The following ARHGAP42 variants were observed in gnomAD, a reference collection of about 807,000 sequenced individuals.
The protein encoded by ARHGAP42 is Rho GTPase activating protein 42.
In ARHGAP42, 63 loss-of-function variants were observed where a neutral mutation model predicts 125.0. The ratio of observed to expected loss-of-function variants is 0.50; its 90% CI spans 0.41 to 0.62. The LOEUF is 0.62. Among genes scored for constraint, ARHGAP42 ranks in the 20% least tolerant of loss-of-function variants. The probability of loss-of-function intolerance (pLI) is 0.00; values close to 1 mark genes in which losing one functional copy is unlikely to be tolerated. For missense variants in ARHGAP42, 766 were observed against 1,024.2 expected, an observed-to-expected ratio of 0.75 and a Z score of 3.44; for synonymous variants, 339 against 351.0, an observed-to-expected ratio of 0.97 and a Z score of 0.38.
Position 100,960,985 on chromosome 11 carries a change from A to G in ARHGAP42, c.1296A>G (p.Thr432=), listed in dbSNP as rs1360620671. 7.8e-6 allele frequency: 12 copies of G among 1,535,914 alleles called. No individual in the cohort carries two copies. The highest frequency in any genetic ancestry group is 1.9e-4 in the Middle Eastern group (1 of 5,320). ...AAGTTCAAAAACTCATGAATACCAC[A>G]TTTTGTAAGTTTTGGATGAAGCAAC... ...NSKVQKLMNT[T]FSPKSPPDID... is the part of the protein sequence containing the mutation. The change falls in exon 14 of 24, where the codon ACA becomes ACG. Residue 432 remains threonine (T), a synonymous_variant. Coordinates refer to ENST00000298815, the MANE Select transcript of ARHGAP42 (RefSeq NM_152432.4).
intron 3 of ARHGAP42, among the ~76,000 whole-genome samples, chr11:100,849,871 T>A (rs1865161338): frequency 6.6e-6 from 1 of 152,210 alleles, no homozygotes; most frequent in Non-Finnish European, 1.5e-5. Flanking sequence ...AAGTAAGTGT[T>A]GTTCCAGGGA....
intron 19 of ARHGAP42, 43 bp downstream of exon 19, chr11:100,974,646 G>A (rs777861908): frequency 6.6e-7 from 1 of 1,513,290 alleles, no homozygotes; most frequent in Non-Finnish European, 8.9e-7. Flanking sequence ...TTCATTCTTT[G>A]GTTCAGATGT....
intron 4 of ARHGAP42, among the ~76,000 whole-genome samples, chr11:100,876,052 A>G (rs932519733): frequency 5.9e-5 from 9 of 152,174 alleles, no homozygotes; most frequent in Non-Finnish European, 7.4e-5. Flanking sequence ...CACTCACTGG[A>G]CTAAGACCTG....
chr11:100,976,832 G>A lies in ARHGAP42; in HGVS notation c.2254G>A (p.Gly752Arg), dbSNP rs2135321670. The A allele has an allele frequency of 6.4e-7, 1 of 1,550,614 alleles. No individual in the cohort carries two copies. The highest frequency in any genetic ancestry group is 1.4e-5 in the African/African-American group (1 of 73,104). The change falls in exon 21 of 24, where the codon GGA becomes AGA. Residue 752 changes from glycine to arginine, a missense_variant. Gly to Arg is a moderately radical substitution (Grantham distance 125, BLOSUM62 -2). This residue lies in a region of ARHGAP42 where 308 missense variants were observed against 369.7 expected (regional missense o/e 0.83). Transcript: ENST00000298815. ...SAAEGNKSYS[G>R]SIQSLTSVGS... ...CTTTTTAGGAAACAAGAGCTACAGT[G>A]GATCTATTCAAAGCTTAACTTCTGT...
At chr11:100,876,836 AT>A (rs1865833700) in intron 4 of ARHGAP42, among the ~76,000 whole-genome samples, 1 of 152,182 alleles carries the variant, frequency 6.6e-6, no homozygotes, top group Non-Finnish European at 1.5e-5. Context: ...TTTAGAGTTG[AT>A]TTTACGTCTT....
chr11:100,735,484 C>A (rs1862047439), intron 1 of ARHGAP42, among the ~76,000 whole-genome samples: 1 of 151,832 alleles, frequency 6.6e-6, no homozygotes, highest in African/African-American at 2.4e-5. Flanking sequence ...AATAGGAAAT[C>A]ACTTTAAGTC....
intron 3 of ARHGAP42, among the ~76,000 whole-genome samples, chr11:100,803,098 G>A (rs550906162): frequency 4.6e-5 from 7 of 152,114 alleles, no homozygotes; most frequent in Non-Finnish European, 7.4e-5. Flanking sequence ...GGGGGATGTT[G>A]CTGTTTATGA....
At chr11:100,700,805 C>G (rs893491250) in intron 1 of ARHGAP42, among the ~76,000 whole-genome samples, 1 of 152,196 alleles carries the variant, frequency 6.6e-6, no homozygotes, top group African/African-American at 2.4e-5. Context: ...GGTTAAAAAT[C>G]AACTTTTTCC....
In ARHGAP42 at chr11:100,842,894, G is replaced by A. The variant is rs544222476; in HGVS notation, c.313-16660G>A. On this transcript the variant is annotated intron_variant, in intron 3 of 23. Transcript: ENST00000298815. Reference sequence around the variant, plus strand: ...GAAAGACCACAAACAGACAATCTAAGATCACACCTCAAGGAACTAGAGAAA... The same window carrying A: ...GAAAGACCACAAACAGACAATCTAAAATCACACCTCAAGGAACTAGAGAAA... Among the ~76,000 whole-genome samples, 55 of 151,830 alleles carry A rather than the reference G, an allele frequency of 3.6e-4. 2 individuals carry two copies. The South Asian group carries it at 0.011, about 31-fold the overall frequency.
chr11:100,963,049 T>G (rs1444081829), intron 16 of ARHGAP42, among the ~76,000 whole-genome samples: 1 of 152,210 alleles, frequency 6.6e-6, no homozygotes, highest in Non-Finnish European at 1.5e-5. Context: ...CTAATTTCAT[T>G]TTATTTGAAT....
At chr11:100,719,097 G>A (rs1861714255) in intron 1 of ARHGAP42, among the ~76,000 whole-genome samples, 1 of 152,044 alleles carries the variant, frequency 6.6e-6, no homozygotes, top group South Asian at 2.1e-4. Flanking sequence ...AAAGAACATT[G>A]GACTAATTGA....
intron 17 of ARHGAP42, among the ~76,000 whole-genome samples, chr11:100,969,551 T>C (rs1858184910): frequency 1.3e-5 from 2 of 152,174 alleles, no homozygotes; most frequent in Admixed American, 6.5e-5. Flanking sequence ...TATTTTTTTC[T>C]TTCTCTCCAT....
At chr11:100,818,739 G>C (rs1009230550) in intron 3 of ARHGAP42, among the ~76,000 whole-genome samples, 5 of 152,120 alleles carry the variant, frequency 3.3e-5, no homozygotes, top group African/African-American at 1.2e-4. Flanking sequence ...AAGTGGTACG[G>C]TGTATTTTTT....
chr11:100,769,764 C>T (rs1202657751), intron 1 of ARHGAP42, among the ~76,000 whole-genome samples: 1 of 111,262 alleles, frequency 9.0e-6, no homozygotes, highest in African/African-American at 3.7e-5. Flanking sequence ...GCTCCAGTAG[C>T]TGAACAATGA....
chr11:100,705,013 CAAAA>C (rs1211966921), intron 1 of ARHGAP42, among the ~76,000 whole-genome samples: 1 of 54,778 alleles, frequency 1.8e-5, no homozygotes, highest in South Asian at 6.1e-4. Flanking sequence ...ACAACAACAA[CAAAA>C]AAAAAAAAAA....
At chr11:100,885,498 G>A (rs925529059) in intron 4 of ARHGAP42, among the ~76,000 whole-genome samples, 16 of 152,128 alleles carry the variant, frequency 1.1e-4, no homozygotes, top group South Asian at 2.1e-4. Flanking sequence ...CTGGGGTATC[G>A]GATGCCTTTT....
At chr11:100,811,410 C>A (rs1002820820) in intron 3 of ARHGAP42, among the ~76,000 whole-genome samples, 2 of 151,838 alleles carry the variant, frequency 1.3e-5, no homozygotes, top group African/African-American at 4.8e-5. Context: ...ATGGCCATGG[C>A]CAAAATCACG....
intron 5 of ARHGAP42, among the ~76,000 whole-genome samples, chr11:100,918,525 C>T (rs1032943902): frequency 3.3e-5 from 5 of 152,078 alleles, no homozygotes; most frequent in Non-Finnish European, 4.4e-5. Flanking sequence ...TATCTCATTT[C>T]GATTGATGAA....
intron 4 of ARHGAP42, among the ~76,000 whole-genome samples, chr11:100,883,362 CAG>C (rs1203126567): frequency 1.3e-5 from 2 of 152,144 alleles, no homozygotes; most frequent in African/African-American, 4.8e-5. Flanking sequence ...TTTTTTGAGA[CAG>C]AGTCTTGCTC....
Sources: gnomAD v4.1 joint callset for allele counts (sites outside exome capture counted in the v4.1 genomes callset) on GRCh38, gnomAD v4.1.1 for gene constraint, gnomAD v4.1.1 regional missense constraint, MANE v1.5 for transcripts, NCBI Gene and HGNC (gene_info 2026-07-23, HGNC 2026-07-21) for gene names.